Variants in ATF7IP observed in about 807,000 individuals in gnomAD.
ATF7IP encodes activating transcription factor 7 interacting protein.
Under a neutral mutation model 106.4 loss-of-function variants are expected in ATF7IP, and 23 were observed. That is an observed-to-expected ratio of 0.22 (90% CI 0.16 to 0.31). The LOEUF is 0.31. Among genes scored for constraint, ATF7IP ranks in the 10% least tolerant of loss-of-function variants. ATF7IP has a pLI of 1.00. For synonymous variants in ATF7IP, 542 were observed against 539.0 expected (o/e 1.01, Z -0.08); for missense variants, 1,334 against 1,524.3 (o/e 0.88, Z 2.08).
intron 2 of ATF7IP, 78 bp from the exon 3 acceptor site, chr12:14,434,259 A>G (rs1325619416): frequency 6.7e-6 from 6 of 900,416 alleles, no homozygotes; most frequent in South Asian, 3.1e-5. Flanking sequence ...GTAACTGGAT[A>G]GTGACTAAAA....
chr12:14,457,900 G>C (rs1393251263), intron 8 of ATF7IP, among the ~76,000 whole-genome samples: 2 of 151,994 alleles, frequency 1.3e-5, no homozygotes, highest in Non-Finnish European at 2.9e-5. Context: ...TTTGAGACCA[G>C]CCTGTCCAAC....
intron 1 of ATF7IP, among the ~76,000 whole-genome samples, chr12:14,380,196 A>AT (rs1938940442): frequency 6.6e-6 from 1 of 151,840 alleles, no homozygotes; most frequent in Admixed American, 6.6e-5. Context: ...AGAATGTAAC[A>AT]TTTTGTCTGC....
Position 14,458,824 on chromosome 12 carries a change from G to GA in ATF7IP, c.2158+1542dup, listed in dbSNP as rs879391505. Among the ~76,000 whole-genome samples, 256 of 138,676 alleles carry GA rather than the reference G, an allele frequency of 1.8e-3. No homozygotes were observed. The Middle Eastern group carries it at 0.019, about 10-fold the overall frequency. The allele number at this position is 138,676 out of a possible 152,430, so 91.0% of individuals were successfully genotyped here. A position where few individuals can be genotyped will look rare whatever the true frequency, so the allele number is the denominator to read the frequency against. On this transcript the variant is annotated intron_variant, in intron 8 of 14. Transcript: ENST00000261168. Reference sequence around the variant, plus strand: ...GGCGCTAGAGGCAAACCTTGTCTTAGAAAAAAAAAAAAATCCATTCCTCTA... The same window carrying GA: ...GGCGCTAGAGGCAAACCTTGTCTTAGAAAAAAAAAAAAAATCCATTCCTCTA...
At chr12:14,402,271 A>G (rs906986896) in intron 1 of ATF7IP, among the ~76,000 whole-genome samples, 1 of 150,932 alleles carries the variant, frequency 6.6e-6, no homozygotes, top group East Asian at 2.0e-4. Flanking sequence ...GGGGCCAGAG[A>G]CACATGTCAC....
intron 1 of ATF7IP, among the ~76,000 whole-genome samples, chr12:14,389,261 C>T (rs995513044): frequency 1.3e-5 from 2 of 152,158 alleles, no homozygotes; most frequent in Non-Finnish European, 2.9e-5. Flanking sequence ...GTTATATATT[C>T]GTTTTTGTAG....
rs568597268 is a variant in ATF7IP at position 14,456,231 on chromosome 12, A to G, written c.1996-330A>G. Among the ~76,000 whole-genome samples the G allele has an allele frequency of 2.6e-5, 4 of 152,270 alleles. No homozygotes were observed. In the East Asian group the frequency reaches 7.7e-4, roughly 29 times the overall value. On this transcript the variant is annotated intron_variant, in intron 6 of 14. Transcript: ENST00000261168. ...GTGAGTCTGGTTATTCTTTAGATTTATATTGTTAATGTTTTTTAAACTCTT... is the reference window on the plus strand; with the variant it reads ...GTGAGTCTGGTTATTCTTTAGATTTGTATTGTTAATGTTTTTTAAACTCTT...
intron 5 of ATF7IP, among the ~76,000 whole-genome samples, chr12:14,445,628 C>A (rs1317117151): frequency 6.6e-6 from 1 of 152,162 alleles, no homozygotes; most frequent in Non-Finnish European, 1.5e-5. Flanking sequence ...TAGGGAAAAT[C>A]TTTACCTTTG....
chr12:14,368,877 T>A (rs1299045598), intron 1 of ATF7IP, among the ~76,000 whole-genome samples: 1 of 152,136 alleles, frequency 6.6e-6, no homozygotes, highest in Non-Finnish European at 1.5e-5. Context: ...ACAGTAATTT[T>A]AAAATTACCT....
intron 3 of ATF7IP, among the ~76,000 whole-genome samples, chr12:14,435,902 G>C (rs150214026): frequency 6.6e-6 from 1 of 152,268 alleles, no homozygotes; most frequent in African/African-American, 2.4e-5. Flanking sequence ...TTGACCATTA[G>C]GGAGTTCTTA....
chr12:14,368,442 G>A (rs6488679), intron 1 of ATF7IP, among the ~76,000 whole-genome samples: 1 of 151,780 alleles, frequency 6.6e-6, no homozygotes. Context: ...TCTCTAAGAA[G>A]AATTTACTGT....
intron 1 of ATF7IP, among the ~76,000 whole-genome samples, chr12:14,378,102 T>TC (rs1006169586): frequency 1.4e-5 from 2 of 145,120 alleles, no homozygotes; most frequent in African/African-American, 5.3e-5. Flanking sequence ...TTCTTTTTCT[T>TC]TTTTTTTTTT....
At chr12:14,386,232 T>C (rs997531902) in intron 1 of ATF7IP, among the ~76,000 whole-genome samples, 1 of 152,130 alleles carries the variant, frequency 6.6e-6, no homozygotes, top group African/African-American at 2.4e-5. Context: ...TCAAAAAGTT[T>C]AAAAAGCTTT....
intron 1 of ATF7IP, among the ~76,000 whole-genome samples, chr12:14,413,150 A>G (rs1365616862): frequency 1.3e-5 from 2 of 152,242 alleles, no homozygotes; most frequent in African/African-American, 4.8e-5. Context: ...GAAAGATTTC[A>G]GTCTTTGACC....
chr12:14,399,748 T>A (rs1261184885), intron 1 of ATF7IP, among the ~76,000 whole-genome samples: 1 of 152,242 alleles, frequency 6.6e-6, no homozygotes, highest in Non-Finnish European at 1.5e-5. Context: ...TATACTATTT[T>A]AAAATGTCTT....
chr12:14,461,020 C>T lies in ATF7IP; in HGVS notation c.2684C>T (p.Ser895Leu), dbSNP rs746942048. The T allele has an allele frequency of 3.7e-6, 6 of 1,614,106 alleles. No homozygotes were observed. The highest frequency in any genetic ancestry group is 5.1e-6 in the Non-Finnish European group (6 of 1,180,014). Residue 895 changes from serine to leucine, a missense_variant, in exon 9 of 15, where the codon TCA becomes TTA. Coordinates refer to ENST00000261168, the MANE Select transcript of ATF7IP (RefSeq NM_018179.5). ...ACTTCTTTACCCACAGTGGGCCCAT[C>T]AGGACTCTATAGTCCATCAACTAAT... is the stretch of plus-strand genomic sequence containing the variant. ...TRTSLPTVGP[S>L]GLYSPSTNRG...
chr12:14,374,730 A>G (rs1296734776), intron 1 of ATF7IP, among the ~76,000 whole-genome samples: 2 of 152,140 alleles, frequency 1.3e-5, no homozygotes, highest in East Asian at 1.9e-4. Flanking sequence ...GAGAACTCTT[A>G]ATAGCTCTGT....
At chr12:14,462,315 A>T (rs903625109) in intron 9 of ATF7IP, among the ~76,000 whole-genome samples, 5 of 152,072 alleles carry the variant, frequency 3.3e-5, no homozygotes, top group Non-Finnish European at 7.4e-5. Flanking sequence ...CTTACTTTTA[A>T]CTGAGGTCAG....
At chr12:14,389,394 A>G (rs1939422138) in intron 1 of ATF7IP, among the ~76,000 whole-genome samples, 3 of 152,182 alleles carry the variant, frequency 2.0e-5, no homozygotes. Context: ...GGAGTAGGAG[A>G]AGTGTTTTGG....
intron 1 of ATF7IP, among the ~76,000 whole-genome samples, chr12:14,381,973 C>T (rs1347190559): frequency 1.3e-5 from 2 of 150,226 alleles, no homozygotes; most frequent in African/African-American, 4.9e-5. Context: ...ATGGTCATTG[C>T]AAGAGTGAAA....
Sources: allele counts gnomAD v4.1 joint callset (sites outside exome capture counted in the v4.1 genomes callset), GRCh38; gene constraint gnomAD v4.1.1; transcripts MANE v1.5; gene names NCBI Gene and HGNC (gene_info 2026-07-23, HGNC 2026-07-21).